The following SLC24A3 variants were observed in gnomAD, a reference collection of about 807,000 sequenced individuals.
The protein encoded by SLC24A3 is sodium/potassium/calcium exchanger 3.
Under a neutral mutation model 75.8 loss-of-function variants are expected in SLC24A3, and 28 were observed. That is an observed-to-expected ratio of 0.37 (90% CI 0.27 to 0.51). The LOEUF (loss-of-function observed/expected upper bound fraction) is 0.51, where lower values mean the gene tolerates loss of function less well. SLC24A3 is among the 20% of genes least tolerant of loss of function. The pLI is 0.94. For missense variants in SLC24A3, 663 were observed against 847.8 expected (o/e 0.78, Z 2.71); for synonymous variants, 372 against 334.1 (o/e 1.11, Z -1.24).
Position 19,299,484 on chromosome 20 carries a change from A to AT in SLC24A3, c.271+18404dup, listed in dbSNP as rs757286653. On this transcript the variant is annotated intron_variant, in intron 2 of 16. Transcript: ENST00000328041. The stretch of plus-strand genomic sequence containing the variant: ...TCCAGTGAAGCTCAAAACAGGTCAA[A>AT]TTTTTTTAAAAAAGAGAGCCAATAA... Among the ~76,000 whole-genome samples, 25 of 152,256 alleles carry AT rather than the reference A, an allele frequency of 1.6e-4. No homozygotes were observed. The South Asian group carries it at 2.5e-3, about 15-fold the overall frequency.
At chr20:19,526,215 A>C (rs367620567) in intron 3 of SLC24A3, among the ~76,000 whole-genome samples, 1 of 152,144 alleles carries the variant, frequency 6.6e-6, no homozygotes, top group African/African-American at 2.4e-5. Flanking sequence ...CATTTCCTCC[A>C]GTGCTGGCTC....
At chr20:19,470,962 G>A (rs1199966966) in intron 2 of SLC24A3, among the ~76,000 whole-genome samples, 1 of 152,172 alleles carries the variant, frequency 6.6e-6, no homozygotes, top group Non-Finnish European at 1.5e-5. Flanking sequence ...CTAAAAGAAG[G>A]CATCAGGAGG....
intron 6 of SLC24A3, among the ~76,000 whole-genome samples, chr20:19,601,842 G>A (rs1259312525): frequency 2.6e-5 from 4 of 152,152 alleles, no homozygotes; most frequent in Non-Finnish European, 5.9e-5. Context: ...AATAATAATT[G>A]AAACAGTAAT....
At chr20:19,514,428 G>T (rs907122289) in intron 2 of SLC24A3, among the ~76,000 whole-genome samples, 1 of 152,208 alleles carries the variant, frequency 6.6e-6, no homozygotes, top group Admixed American at 6.5e-5. Context: ...TCAAATGGTG[G>T]TGGTTTCTCT....
chr20:19,366,754 G>A lies in SLC24A3; in HGVS notation c.271+85667G>A, dbSNP rs560334128. Among the ~76,000 whole-genome samples the A allele has an allele frequency of 7.2e-5, 11 of 152,294 alleles. No individual in the cohort carries two copies. The South Asian group carries it at 1.9e-3, about 26-fold the overall frequency. Reference sequence around the variant, plus strand: ...CTGACAATTGGGCCCCATATTGAGGGGAGTGTGTCAACTTGCTGAGAAATG... The same window carrying A: ...CTGACAATTGGGCCCCATATTGAGGAGAGTGTGTCAACTTGCTGAGAAATG... On this transcript the variant is annotated intron_variant, in intron 2 of 16. Transcript: ENST00000328041.
At chr20:19,261,308 T>C (rs1982978692) in intron 1 of SLC24A3, among the ~76,000 whole-genome samples, 1 of 152,168 alleles carries the variant, frequency 6.6e-6, no homozygotes, top group African/African-American at 2.4e-5. Context: ...GGATGGGGAC[T>C]TTGTGGTGAG....
chr20:19,300,106 A>G (rs1984160912), intron 2 of SLC24A3, among the ~76,000 whole-genome samples: 1 of 152,230 alleles, frequency 6.6e-6, no homozygotes, highest in Non-Finnish European at 1.5e-5. Flanking sequence ...TCTAAAGGAA[A>G]GGTTGTACCT....
chr20:19,399,489 C>T (rs1402478844), intron 2 of SLC24A3, among the ~76,000 whole-genome samples: 1 of 152,038 alleles, frequency 6.6e-6, no homozygotes, highest in Non-Finnish European at 1.5e-5. Flanking sequence ...TCTTAGAATT[C>T]TTCTTTGACA....
At chr20:19,257,225 C>T (rs936435535) in intron 1 of SLC24A3, among the ~76,000 whole-genome samples, 2 of 152,224 alleles carry the variant, frequency 1.3e-5, no homozygotes, top group Non-Finnish European at 2.9e-5. Flanking sequence ...CTGGGACCAT[C>T]ACTTTCTCCT....
intron 1 of SLC24A3, among the ~76,000 whole-genome samples, chr20:19,230,201 G>A (rs956634898): frequency 2.6e-5 from 4 of 152,016 alleles, no homozygotes; most frequent in South Asian, 4.2e-4. Context: ...TCCCTTCAGC[G>A]CCCTCACCAC....
chr20:19,233,499 G>A (rs1376240623), intron 1 of SLC24A3, among the ~76,000 whole-genome samples: 1 of 152,230 alleles, frequency 6.6e-6, no homozygotes, highest in Non-Finnish European at 1.5e-5. Context: ...TCATTGGAAA[G>A]TAGAGTAGGA....
intron 2 of SLC24A3, among the ~76,000 whole-genome samples, chr20:19,490,551 C>G (rs1988194567): frequency 6.6e-6 from 1 of 152,148 alleles, no homozygotes; most frequent in South Asian, 2.1e-4. Context: ...AAATCCTGAC[C>G]TGGATGTCTG....
chr20:19,619,946 G>T (rs144486287), intron 6 of SLC24A3, among the ~76,000 whole-genome samples: 397 of 152,232 alleles, frequency 2.6e-3, no homozygotes, highest in Non-Finnish European at 4.7e-3. Context: ...GGATACCTAT[G>T]GTTTTAAGAT....
At chr20:19,495,432 G>C (rs139751090) in intron 2 of SLC24A3, among the ~76,000 whole-genome samples, 2 of 152,346 alleles carry the variant, frequency 1.3e-5, no homozygotes, top group Non-Finnish European at 2.9e-5. Flanking sequence ...AGGGGAAGGG[G>C]TGGATACATA....
intron 6 of SLC24A3, among the ~76,000 whole-genome samples, chr20:19,605,285 A>G (rs1299913294): frequency 5.3e-5 from 8 of 151,878 alleles, no homozygotes; most frequent in Admixed American, 3.9e-4. Context: ...TCTGATGTCT[A>G]AAGACTTTTA....
At chr20:19,639,458 A>C (rs1264238110) in intron 6 of SLC24A3, among the ~76,000 whole-genome samples, 1 of 152,218 alleles carries the variant, frequency 6.6e-6, no homozygotes, top group East Asian at 1.9e-4. Flanking sequence ...TGGTGTATTT[A>C]CAAACCTTGA....
At chr20:19,674,748 G>T (rs1600333325) in intron 9 of SLC24A3, among the ~76,000 whole-genome samples, 1 of 152,182 alleles carries the variant, frequency 6.6e-6, no homozygotes, top group Non-Finnish European at 1.5e-5. Flanking sequence ...TGGAGTTGGG[G>T]TAGCTTATTT....
At chr20:19,296,587 C>G (rs1984065798) in intron 2 of SLC24A3, among the ~76,000 whole-genome samples, 1 of 151,474 alleles carries the variant, frequency 6.6e-6, no homozygotes, top group Admixed American at 6.6e-5. Context: ...CAGGAGCACC[C>G]AGATTCATAA....
At chr20:19,314,281 ATTTTAT>A (rs1201303721) in intron 2 of SLC24A3, among the ~76,000 whole-genome samples, 1 of 105,034 alleles carries the variant, frequency 9.5e-6, no homozygotes, top group African/African-American at 4.1e-5. Flanking sequence ...TTATTTATTT[ATTTTAT>A]TTTATTTTAT....
Sources: gnomAD v4.1 joint callset for allele counts (sites outside exome capture counted in the v4.1 genomes callset) on GRCh38, gnomAD v4.1.1 for gene constraint, MANE v1.5 for transcripts, NCBI Gene and HGNC (gene_info 2026-07-23, HGNC 2026-07-21) for gene names.